The following ZGRF1 variants were observed in gnomAD, a reference collection of about 807,000 sequenced individuals.
ZGRF1 encodes the protein 5'-3' DNA helicase ZGRF1.
Under a neutral mutation model 203.5 loss-of-function variants are expected in ZGRF1, and 196 were observed. That is an observed-to-expected ratio of 0.96 (90% CI 0.86 to 1.08). ZGRF1 has a LOEUF of 1.08. ZGRF1 is among the 50% of genes least tolerant of loss of function. ZGRF1 has a pLI of 0.00. For missense variants in ZGRF1, 2,326 were observed against 2,416.3 expected, an observed-to-expected ratio of 0.96 and a Z score of 0.78; for synonymous variants, 809 against 841.3, an observed-to-expected ratio of 0.96 and a Z score of 0.66.
At position 112,541,147 on chromosome 4, in the gene ZGRF1, G is replaced by A; in HGVS notation, c.5720C>T (p.Pro1907Leu). Residue 1907 changes from proline (P) to leucine (L), a missense_variant, in exon 25 of 28, where the codon CCT (proline) becomes CTT (leucine). Physicochemically the swap from Pro to Leu is moderately conservative, Grantham distance 98. Transcript: ENST00000505019. ...MNGVTEIERS[P>L]LLEWLPTLCF... The stretch of plus-strand genomic sequence containing the variant: ...CAGGGTTGGTAGCCATTCCAATAAA[G>A]GGCTCCGCTCTATTTCTGTTACACC... 1 of 1,609,484 alleles carries A rather than the reference G, an allele frequency of 6.2e-7. No homozygotes were observed. Among genetic ancestry groups the A allele is most frequent in the South Asian group, 1.1e-5 (1 of 90,114 alleles).
chr4:112,587,176 T>C, intron 12 of ZGRF1, 104 bp downstream of exon 12: 4 of 1,030,040 alleles, frequency 3.9e-6, no homozygotes, highest in South Asian at 1.6e-5. Flanking sequence ...AAAAAAGCCA[T>C]CTGTCCAAAT....
In ZGRF1 at chr4:112,618,466, G is replaced by A. The variant is rs901472989; in HGVS notation, c.1576C>T (p.Pro526Ser). The A allele has an allele frequency of 2.5e-6, 4 of 1,613,448 alleles. No individual in the cohort carries two copies. Among genetic ancestry groups the A allele is most frequent in the Non-Finnish European group, 3.4e-6 (4 of 1,179,824 alleles). ...AGATTAAAAGTTACCTCCAAAAATG[G>A]TTGTGTTACATTACTCAGAGATTCA... ...IHESLSNVTQ[P>S]FLEVTFNLNN... The change falls in exon 6 of 28, where the codon CCA (proline) becomes TCA (serine). Residue 526 changes from proline to serine, a missense_variant. Pro to Ser is a moderately conservative substitution (Grantham distance 74). Transcript: ENST00000505019.
Position 112,619,319 on chromosome 4 carries a change from G to C in ZGRF1, c.723C>G (p.His241Gln), listed in dbSNP as rs144531974. Residue 241 changes from histidine (H) to glutamine (Q), a missense_variant, in exon 6 of 28, where the codon CAC (histidine) becomes CAG (glutamine). Coordinates refer to ENST00000505019, the MANE Select transcript of ZGRF1 (RefSeq NM_018392.5). ...TGATGTTTTGTGAAACTCCTGAATAGTGAGATGCCAAACTATCTCTTTTCA... is the reference window on the plus strand; with the variant it reads ...TGATGTTTTGTGAAACTCCTGAATACTGAGATGCCAAACTATCTCTTTTCA... The part of the protein sequence containing the change: ...EPVKRDSLAS[H>Q]YSGVSQNIRS... 609 of 1,612,742 alleles carry C rather than the reference G, an allele frequency of 3.8e-4. No homozygotes were observed. Among genetic ancestry groups the C allele is most frequent in the Non-Finnish European group, 4.8e-4 (563 of 1,179,538 alleles).
At chr4:112,630,918 G>C (rs905748761) in intron 3 of ZGRF1, among the ~76,000 whole-genome samples, 7 of 151,930 alleles carry the variant, frequency 4.6e-5, no homozygotes, top group Non-Finnish European at 1.0e-4. Flanking sequence ...CAGTAGAATG[G>C]AGAATGGTTA....
chr4:112,597,891 CCA>C (rs771351909), intron 10 of ZGRF1, among the ~76,000 whole-genome samples: 9 of 147,046 alleles, frequency 6.1e-5, no homozygotes, highest in Admixed American at 2.7e-4. Flanking sequence ...CAAAATGTAC[CCA>C]CACACACACA....
chr4:112,563,294 T>C lies in ZGRF1; in HGVS notation c.4439-20A>G. 6.5e-7 allele frequency: 1 copy of C among 1,536,494 alleles called. No individual in the cohort carries two copies. The highest frequency in any genetic ancestry group is 8.8e-7 in the Non-Finnish European group (1 of 1,134,842). Reference sequence around the variant, plus strand: ...GATCATCTGAAAAGACAAACATTTTTAAATATTACACAGACATATACAGTA... The same window carrying C: ...GATCATCTGAAAAGACAAACATTTTCAAATATTACACAGACATATACAGTA... On this transcript the variant is annotated intron_variant, in intron 16 of 27. Coordinates refer to ENST00000505019, the MANE Select transcript of ZGRF1 (RefSeq NM_018392.5).
chr4:112,555,107 C>T (rs1343508478), intron 20 of ZGRF1, among the ~76,000 whole-genome samples: 1 of 152,066 alleles, frequency 6.6e-6, no homozygotes, highest in Non-Finnish European at 1.5e-5. Context: ...TACTTAGCAC[C>T]AAGATTTGTT....
intron 14 of ZGRF1, among the ~76,000 whole-genome samples, 172 bp from the exon 15 acceptor site, chr4:112,584,346 T>C (rs1560805080): frequency 6.6e-6 from 1 of 152,232 alleles, no homozygotes; most frequent in African/African-American, 2.4e-5. Context: ...AACCACCTAC[T>C]TTTCCATTTA....
In ZGRF1 at chr4:112,551,524, C is replaced by T. The variant is rs934493268; in HGVS notation, c.5346+2311G>A. Among the ~76,000 whole-genome samples, 7 of 152,050 alleles carry T rather than the reference C, an allele frequency of 4.6e-5. 1 individual carries two copies. The highest frequency in any genetic ancestry group is 1.0e-4 in the Non-Finnish European group (7 of 67,996). ...CAAAATAAGAAAACATTACAACTGC[C>T]TTATTTTAATAATAAATAATATTCA... On this transcript the variant is annotated intron_variant, in intron 22 of 27. Coordinates refer to ENST00000505019, the MANE Select transcript of ZGRF1 (RefSeq NM_018392.5).
chr4:112,554,673 A>G (rs1311238948), intron 21 of ZGRF1, 32 bp downstream of exon 21: 1 of 1,120,124 alleles, frequency 8.9e-7, no homozygotes, highest in Non-Finnish European at 1.3e-6. Context: ...CCCTCTGACC[A>G]TTCTGTGACT....
At chr4:112,588,319 C>A (rs564158063) in intron 11 of ZGRF1, among the ~76,000 whole-genome samples, 1 of 152,182 alleles carries the variant, frequency 6.6e-6, no homozygotes, top group Admixed American at 6.5e-5. Flanking sequence ...TACTAAGTGG[C>A]AGAGTCAGGA....
At chr4:112,575,937 T>G (rs1745122551) in intron 16 of ZGRF1, among the ~76,000 whole-genome samples, 1 of 152,198 alleles carries the variant, frequency 6.6e-6, no homozygotes. Context: ...GTAGTGGTTC[T>G]CCCAGCACGC....
At chr4:112,584,259 G>A in intron 14 of ZGRF1, 85 bp from the exon 15 acceptor site, 2 of 824,722 alleles carry the variant, frequency 2.4e-6, no homozygotes, top group East Asian at 2.8e-5. Flanking sequence ...AGGCTTCTAT[G>A]AAGACTGCTT....
intron 16 of ZGRF1, among the ~76,000 whole-genome samples, chr4:112,569,142 G>A (rs753878932): frequency 5.9e-5 from 9 of 152,146 alleles, no homozygotes; most frequent in African/African-American, 2.2e-4. Flanking sequence ...AGTATTAAAG[G>A]AAAAGAACTT....
intron 10 of ZGRF1, among the ~76,000 whole-genome samples, chr4:112,603,285 T>G (rs1277914422): frequency 6.6e-6 from 1 of 152,206 alleles, no homozygotes; most frequent in Admixed American, 6.5e-5. Flanking sequence ...GCTTTTGTCA[T>G]GAATTTATAG....
intron 1 of ZGRF1, among the ~76,000 whole-genome samples, chr4:112,635,208 A>G: frequency 6.6e-6 from 1 of 152,116 alleles, no homozygotes; most frequent in Non-Finnish European, 1.5e-5. Context: ...GCTGATGCCT[A>G]AGAATGCCAA....
intron 16 of ZGRF1, among the ~76,000 whole-genome samples, chr4:112,572,501 C>A (rs1412969703): frequency 6.6e-6 from 1 of 152,036 alleles, no homozygotes; most frequent in African/African-American, 2.4e-5. Context: ...GACTTCATGA[C>A]CAAAAACCCA....
At chr4:112,539,808 C>G in intron 27 of ZGRF1, 55 bp downstream of exon 27, 1 of 1,599,952 alleles carries the variant, frequency 6.3e-7, no homozygotes, top group East Asian at 2.2e-5. Flanking sequence ...AAGCATTAAC[C>G]CATAAAAGTC....
At chr4:112,617,385 T>C (rs1366057963) in intron 6 of ZGRF1, 55 bp downstream of exon 6, 2 of 1,300,182 alleles carry the variant, frequency 1.5e-6, no homozygotes, top group Non-Finnish European at 2.1e-6. Context: ...TCTTCTTTCT[T>C]TATAGCTCAA....
Sources: allele counts gnomAD v4.1 joint callset (sites outside exome capture counted in the v4.1 genomes callset), GRCh38; gene constraint gnomAD v4.1.1; transcripts MANE v1.5; gene names NCBI Gene and HGNC (gene_info 2026-07-23, HGNC 2026-07-21).